The following IPO11 variants were observed in gnomAD, a reference collection of about 807,000 sequenced individuals.
IPO11 encodes the protein importin 11.
A neutral mutation model predicts 143.2 loss-of-function variants in IPO11; 66 were observed. The ratio of observed to expected loss-of-function variants is 0.46; its 90% CI spans 0.38 to 0.57. The LOEUF is 0.57. Among genes scored for constraint, IPO11 ranks in the 20% least tolerant of loss-of-function variants. The pLI, the probability that IPO11 is intolerant of heterozygous loss-of-function variation, is 0.00. For synonymous variants in IPO11, 385 were observed against 377.8 expected (o/e 1.02, Z -0.22); for missense variants, 1,026 against 1,141.0 (o/e 0.90, Z 1.45).
Position 62,627,175 on chromosome 5 carries a change from C to T in IPO11, c.2785C>T (p.His929Tyr). 1 of 1,613,896 alleles carries T rather than the reference C, an allele frequency of 6.2e-7. No individual in the cohort carries two copies. The highest frequency in any genetic ancestry group is 8.5e-7 in the Non-Finnish European group (1 of 1,179,856). The change falls in exon 30 of 30, where the codon CAT (histidine) becomes TAT (tyrosine). Residue 929 changes from histidine to tyrosine, a missense_variant. By Grantham distance (83) the His-to-Tyr change is moderately conservative. This residue lies in a region of IPO11 where 351 missense variants were observed against 358.9 expected (regional missense o/e 0.98). Transcript: ENST00000325324. ...KKMLALKDPVHTVSLQQFIYE... is the reference protein window; with the variant it reads ...KKMLALKDPVYTVSLQQFIYE... ...ACAGCTGGCCCTGAAGGACCCTGTT[C>T]ATACAGTGTCACTGCAGCAGTTCAT...
At chr5:62,440,099 C>T (rs1375641122) in intron 2 of IPO11, among the ~76,000 whole-genome samples, 1 of 152,142 alleles carries the variant, frequency 6.6e-6, no homozygotes, top group African/African-American at 2.4e-5. Context: ...AGGCACTGTG[C>T]TAGATTCTAG....
rs1201805285 is a variant in IPO11, at chr5:62,504,884, G to C, written c.1651G>C (p.Asp551His). The C allele has an allele frequency of 6.4e-7, 1 of 1,558,706 alleles. No individual in the cohort carries two copies. Among genetic ancestry groups the C allele is most frequent in the African/African-American group, 1.4e-5 (1 of 73,138 alleles). ...LTVDDFEFRT[D>H]QFLPYLETMF... ...TGTTGATGATTTTGAATTTAGAACA[G>C]ATCAGTTTCTACCGGTAAGAATATA... Residue 551 changes from aspartate (D) to histidine (H), a missense_variant, in exon 18 of 30, where the codon GAT (aspartate) becomes CAT (histidine). By Grantham distance (81) the Asp-to-His change is moderately conservative (BLOSUM62 -1). Transcript: ENST00000325324.
At position 62,460,236 on chromosome 5, in the gene IPO11, C is replaced by G. The variant is rs989706116; in HGVS notation, c.517-6895C>G. 4.0e-5 allele frequency among the ~76,000 whole-genome samples: 6 copies of G among 149,384 alleles called. No homozygotes were observed. The East Asian group carries it at 7.8e-4, about 19-fold the overall frequency. On this transcript the variant is annotated intron_variant, in intron 5 of 29. Transcript: ENST00000325324. ...ACACATTTTTACAAGTGGCTTGAGCCAGAAAAATGAATAAGGTGCATTTGA... is the reference window on the plus strand; with the variant it reads ...ACACATTTTTACAAGTGGCTTGAGCGAGAAAAATGAATAAGGTGCATTTGA...
At chr5:62,528,604 A>T (rs1023874828) in intron 21 of IPO11, among the ~76,000 whole-genome samples, 2 of 152,118 alleles carry the variant, frequency 1.3e-5, no homozygotes, top group African/African-American at 4.8e-5. Flanking sequence ...AGCAGCTGGG[A>T]TACTTCATGC....
At position 62,464,012 on chromosome 5, in the gene IPO11, C is replaced by T. The variant is rs537961686; in HGVS notation, c.517-3119C>T. Among the ~76,000 whole-genome samples, 12 of 151,630 alleles carry T rather than the reference C, an allele frequency of 7.9e-5. No individual in the cohort carries two copies. In the South Asian group the frequency reaches 8.4e-4, roughly 11 times the overall value. ...CTAATTTTTGTATTTGTAATAGAGA[C>T]GGCGTTTCGCTGTGTTGGCCAGGCT... is the stretch of plus-strand genomic sequence containing the variant. On this transcript the variant is annotated intron_variant, in intron 5 of 29. Transcript: ENST00000325324.
Position 62,449,924 on chromosome 5 carries a change from C to A in IPO11, c.240-3C>A. ...CATAATCAATACTTTTTTTTTTTTA[C>A]AGTGCTCTCTCAGAGGAGGAGAAAA... On this transcript the variant is annotated splice_region_variant and splice_polypyrimidine_tract_variant and intron_variant, in intron 3 of 29. Transcript: ENST00000325324. The A allele has an allele frequency of 6.5e-7, 1 of 1,527,042 alleles. No individual in the cohort carries two copies. Among genetic ancestry groups the A allele is most frequent in the Non-Finnish European group, 8.8e-7 (1 of 1,134,810 alleles). The allele number at this position is 1,527,042 out of a possible 1,614,324, so 94.6% of individuals were successfully genotyped here.
chr5:62,434,089 C>T (rs1744084536), intron 1 of IPO11, among the ~76,000 whole-genome samples: 1 of 152,154 alleles, frequency 6.6e-6, no homozygotes, highest in Admixed American at 6.5e-5. Flanking sequence ...CCGCCACTTT[C>T]CCCTTTTCTC....
chr5:62,565,855 CACTTATGAG>C (rs1180954571), intron 27 of IPO11, among the ~76,000 whole-genome samples: 1 of 151,818 alleles, frequency 6.6e-6, no homozygotes, highest in Non-Finnish European at 1.5e-5. Flanking sequence ...GTTCAACTCC[CACTTATGAG>C]TGAGAGCATG....
chr5:62,443,975 C>T (rs1314705568), intron 3 of IPO11, among the ~76,000 whole-genome samples: 1 of 152,134 alleles, frequency 6.6e-6, no homozygotes, highest in Non-Finnish European at 1.5e-5. Flanking sequence ...GACCTTTTTT[C>T]TCAGTCTGAA....
In IPO11 at chr5:62,531,517, A is replaced by G. The variant is rs183446577; in HGVS notation, c.2089+732A>G. On this transcript the variant is annotated intron_variant, in intron 22 of 29. Transcript: ENST00000325324. ...AGCTAATTTTTATATTTTAGTAGAG[A>G]CGGGGTTTCACCGTGCTGGCCAGGC... is the stretch of plus-strand genomic sequence containing the variant. Among the ~76,000 whole-genome samples the G allele has an allele frequency of 8.5e-5, 13 of 152,130 alleles. No individual in the cohort carries two copies. The East Asian group carries it at 2.5e-3, about 29-fold the overall frequency.
chr5:62,524,892 ATTTG>A (rs1305866430), intron 20 of IPO11, among the ~76,000 whole-genome samples: 1 of 152,076 alleles, frequency 6.6e-6, no homozygotes, highest in Non-Finnish European at 1.5e-5. Context: ...TTTGTAATTT[ATTTG>A]GTTTCCTTTT....
chr5:62,583,023 T>C (rs1744627649), intron 27 of IPO11, among the ~76,000 whole-genome samples: 2 of 152,186 alleles, frequency 1.3e-5, no homozygotes, highest in African/African-American at 4.8e-5. Flanking sequence ...TTTCCCTGCT[T>C]AGCTGAATGC....
chr5:62,516,363 G>T (rs1380151078), intron 20 of IPO11, among the ~76,000 whole-genome samples: 1 of 151,916 alleles, frequency 6.6e-6, no homozygotes, highest in Non-Finnish European at 1.5e-5. Context: ...GCGCGATCTT[G>T]GCTCACTGCA....
At chr5:62,567,577 T>TTC (rs1743994446) in intron 27 of IPO11, among the ~76,000 whole-genome samples, 1 of 147,318 alleles carries the variant, frequency 6.8e-6, no homozygotes. Flanking sequence ...TTTTTTTTTT[T>TTC]TTAAGATGGA....
intron 29 of IPO11, among the ~76,000 whole-genome samples, chr5:62,625,494 A>G (rs1194055772): frequency 6.6e-6 from 1 of 152,248 alleles, no homozygotes; most frequent in Non-Finnish European, 1.5e-5. Flanking sequence ...AGAGTCAGGA[A>G]TTCTGGGTAA....
chr5:62,460,872 T>C (rs868760107), intron 5 of IPO11, among the ~76,000 whole-genome samples: 9 of 152,316 alleles, frequency 5.9e-5, no homozygotes, highest in Middle Eastern at 6.8e-3. Flanking sequence ...CTTTATTACT[T>C]ACTCTTTTCC....
At chr5:62,611,138 C>T (rs925714502) in intron 29 of IPO11, among the ~76,000 whole-genome samples, 2 of 152,122 alleles carry the variant, frequency 1.3e-5, no homozygotes, top group Non-Finnish European at 2.9e-5. Context: ...GTAAACCAAA[C>T]ATAGCTTTCC....
chr5:62,565,442 C>T (rs995303339), intron 27 of IPO11, among the ~76,000 whole-genome samples: 2 of 151,966 alleles, frequency 1.3e-5, no homozygotes, highest in South Asian at 2.1e-4. Context: ...GCCAGTATTG[C>T]GCCACTGCAC....
In IPO11 at chr5:62,550,431, C is replaced by G. The variant is rs1455682892; in HGVS notation, c.2315C>G (p.Pro772Arg). Residue 772 changes from proline (P) to arginine (R), a missense_variant, in exon 25 of 30, where the codon CCC (proline) becomes CGC (arginine). By Grantham distance (103) the Pro-to-Arg change is moderately radical. Transcript: ENST00000325324. The stretch of plus-strand genomic sequence containing the variant: ...CCACAAATGTTTCAACCGATTTTAC[C>G]CTATGTTTTCAAGGGTATTATAGAA... ...LGPQMFQPIL[P>R]YVFKGIIEGE... 1 of 1,612,492 alleles carries G rather than the reference C, an allele frequency of 6.2e-7. No individual in the cohort carries two copies. The highest frequency in any genetic ancestry group is 2.2e-5 in the East Asian group (1 of 44,772).
Sources: gnomAD v4.1 joint callset for allele counts (sites outside exome capture counted in the v4.1 genomes callset) on GRCh38, gnomAD v4.1.1 for gene constraint, gnomAD v4.1.1 regional missense constraint, MANE v1.5 for transcripts, NCBI Gene and HGNC (gene_info 2026-07-23, HGNC 2026-07-21) for gene names.